JAM3: variants seen among roughly 807,000 people sequenced by gnomAD.
JAM3 encodes the protein junctional adhesion molecule 3.
Under a neutral mutation model 39.4 loss-of-function variants are expected in JAM3, and 31 were observed. That is an observed-to-expected ratio of 0.79 (90% CI 0.59 to 1.06). JAM3 has a LOEUF of 1.06. Ranked by LOEUF, JAM3 falls within the 50% of genes least tolerant of loss-of-function variation. The pLI is 0.00. For synonymous variants in JAM3, 182 were observed against 148.7 expected, an observed-to-expected ratio of 1.22 and a Z score of -1.63; for missense variants, 455 against 391.4, an observed-to-expected ratio of 1.16 and a Z score of -1.37.
intron 1 of JAM3, among the ~76,000 whole-genome samples, chr11:134,116,245 TAA>T (rs1227342636): frequency 6.6e-6 from 1 of 152,214 alleles, no homozygotes; most frequent in Admixed American, 6.5e-5. Context: ...AGTATTCTGA[TAA>T]AGTTTTTTCA....
At position 134,091,520 on chromosome 11, in the gene JAM3, G is replaced by GGATAGATAGATA. The variant is rs71479586; in HGVS notation, c.76+22371_76+22382dup. On this transcript the variant is annotated intron_variant, in intron 1 of 8. Coordinates refer to ENST00000299106, the MANE Select transcript of JAM3 (RefSeq NM_032801.5). The stretch of plus-strand genomic sequence containing the variant: ...TCTCTAAATAAATAGATAGATAGAT[G>GGATAGATAGATA]GATAGATAGATAGATAGATAGGCAT... 1.8e-3 allele frequency among the ~76,000 whole-genome samples: 276 copies of GGATAGATAGATA among 150,836 alleles called. 1 individual carries two copies. In the East Asian group the frequency reaches 0.024, roughly 13 times the overall value.
chr11:134,150,923 T>G lies in JAM3; in HGVS notation c.*1742T>G, dbSNP rs929106925. 6.6e-6 allele frequency: 1 copy of G among 152,130 alleles called. No individual in the cohort carries two copies. The highest frequency in any genetic ancestry group is 1.5e-5 in the Non-Finnish European group (1 of 68,022). The allele number at this position is 152,130 out of a possible 1,614,324, so 9.4% of individuals were successfully genotyped here. A position where few individuals can be genotyped will look rare whatever the true frequency, so the allele number is the denominator to read the frequency against. ...GTGAAACGCCTGAATCAAAAGCAGT[T>G]TTCTAATTTTGACTTTAAATTTTTC... is the stretch of plus-strand genomic sequence containing the variant. On this transcript the variant is annotated 3_prime_UTR_variant, in exon 9 of 9. Transcript: ENST00000299106.
At chr11:134,104,795 A>T (rs1303661007) in intron 1 of JAM3, among the ~76,000 whole-genome samples, 8 of 152,166 alleles carry the variant, frequency 5.3e-5, no homozygotes, top group African/African-American at 1.9e-4. Flanking sequence ...CCCTCCCAAG[A>T]CTAAACTAGG....
intron 5 of JAM3, chr11:134,145,474 G>A: frequency 3.1e-6 from 1 of 323,412 alleles, no homozygotes; most frequent in Non-Finnish European, 5.9e-6. Flanking sequence ...GGAGGTGGGG[G>A]AGGAGAGGAA....
intron 1 of JAM3, among the ~76,000 whole-genome samples, chr11:134,100,116 A>G (rs544957781): frequency 6.6e-6 from 1 of 152,218 alleles, no homozygotes; most frequent in East Asian, 1.9e-4. Flanking sequence ...ATTCTTCTCA[A>G]ATTCTGTTTC....
At chr11:134,086,314 T>A (rs1408670341) in intron 1 of JAM3, among the ~76,000 whole-genome samples, 1 of 152,184 alleles carries the variant, frequency 6.6e-6, no homozygotes, top group Non-Finnish European at 1.5e-5. Flanking sequence ...AAAGCTCCCT[T>A]TATGGCTTAG....
chr11:134,088,714 C>T (rs986396458), intron 1 of JAM3, among the ~76,000 whole-genome samples: 1 of 148,530 alleles, frequency 6.7e-6, no homozygotes, highest in African/African-American at 2.5e-5. Flanking sequence ...GCCACAAAGA[C>T]AGTAAAATGT....
chr11:134,101,820 A>G (rs1362829860), intron 1 of JAM3, among the ~76,000 whole-genome samples: 1 of 152,068 alleles, frequency 6.6e-6, no homozygotes, highest in South Asian at 2.1e-4. Flanking sequence ...TAATCCTAGT[A>G]TTTTGGGGGG....
chr11:134,145,103 A>T, intron 5 of JAM3, 109 bp downstream of exon 5: 1 of 936,568 alleles, frequency 1.1e-6, no homozygotes, highest in Non-Finnish European at 1.7e-6. Flanking sequence ...ATAAGACAGG[A>T]GTCAAAAATC....
intron 1 of JAM3, among the ~76,000 whole-genome samples, chr11:134,107,461 C>G (rs1437908253): frequency 6.6e-6 from 1 of 151,856 alleles, no homozygotes; most frequent in Admixed American, 6.6e-5. Context: ...TACAGATGTA[C>G]CCTAGAACAT....
chr11:134,077,562 C>T (rs562343163), intron 1 of JAM3, among the ~76,000 whole-genome samples: 1 of 151,144 alleles, frequency 6.6e-6, no homozygotes, highest in African/African-American at 2.4e-5. Context: ...CAGGGTTTCT[C>T]CATGTTGGCC....
rs115673572 is a variant in JAM3 at position 134,135,692 on chromosome 11, G to A, written c.77-4159G>A. ...AGCTGGGATTACAGGTGTGATGCCCGGCTAATAGATTTTTATCTATCTTAT... is the reference window on the plus strand; with the variant it reads ...AGCTGGGATTACAGGTGTGATGCCCAGCTAATAGATTTTTATCTATCTTAT... On this transcript the variant is annotated intron_variant, in intron 1 of 8. Transcript: ENST00000299106. Among the ~76,000 whole-genome samples, 1,273 of 151,512 alleles carry A rather than the reference G, an allele frequency of 8.4e-3. 14 individuals carry two copies. Among genetic ancestry groups the A allele is most frequent in the African/African-American group, 0.029 (1,183 of 41,274 alleles).
chr11:134,119,998 G>T (rs1942503637), intron 1 of JAM3, among the ~76,000 whole-genome samples: 1 of 152,138 alleles, frequency 6.6e-6, no homozygotes, highest in Non-Finnish European at 1.5e-5. Flanking sequence ...GTGTATGGGT[G>T]AGTGGGTCTG....
chr11:134,077,271 G>A (rs1339051070), intron 1 of JAM3, among the ~76,000 whole-genome samples: 1 of 151,996 alleles, frequency 6.6e-6, no homozygotes, highest in African/African-American at 2.4e-5. Context: ...TGTCTTTTGA[G>A]AAGTATCTGT....
In JAM3 at chr11:134,070,223, A is replaced by G. The variant is rs963086055; in HGVS notation, c.76+1064A>G. On this transcript the variant is annotated intron_variant, in intron 1 of 8. Transcript: ENST00000299106. Reference sequence around the variant, plus strand: ...CTGCATTCTAAGTAGTGAAGCCTCAACTTCATATTTACCTAAAGCAGGACA... The same window carrying G: ...CTGCATTCTAAGTAGTGAAGCCTCAGCTTCATATTTACCTAAAGCAGGACA... The G allele has an allele frequency of 2.2e-5, 10 of 456,148 alleles. 1 individual carries two copies. The highest frequency in any genetic ancestry group is 2.1e-4 in the Admixed American group (9 of 42,576). The allele number at this position is 456,148 out of a possible 1,614,324, so 28.3% of individuals were successfully genotyped here. A position where few individuals can be genotyped will look rare whatever the true frequency, so the allele number is the denominator to read the frequency against.
intron 1 of JAM3, among the ~76,000 whole-genome samples, chr11:134,074,033 G>A (rs1227392369): frequency 6.6e-6 from 1 of 152,178 alleles, no homozygotes; most frequent in East Asian, 1.9e-4. Context: ...CTTTTGTGCA[G>A]TTACAAGGTT....
chr11:134,116,857 C>T lies in JAM3; in HGVS notation c.77-22994C>T, dbSNP rs1942443727. Among the ~76,000 whole-genome samples the T allele has an allele frequency of 2.0e-5, 3 of 152,192 alleles. No homozygotes were observed. The South Asian group carries it at 6.2e-4, about 32-fold the overall frequency. On this transcript the variant is annotated intron_variant, in intron 1 of 8. Coordinates refer to ENST00000299106, the MANE Select transcript of JAM3 (RefSeq NM_032801.5). ...TAAACATTAGTTTATAGTGGTATGT[C>T]TGACTCAAATTCAGCACTACAGGGT...
At chr11:134,096,556 T>A (rs1340198704) in intron 1 of JAM3, among the ~76,000 whole-genome samples, 5 of 152,214 alleles carry the variant, frequency 3.3e-5, no homozygotes, top group African/African-American at 9.6e-5. Flanking sequence ...AGGGGCCAGT[T>A]GTTTGGGCAG....
At chr11:134,129,412 A>T (rs1187321094) in intron 1 of JAM3, among the ~76,000 whole-genome samples, 24 of 152,042 alleles carry the variant, frequency 1.6e-4, no homozygotes, top group Admixed American at 1.6e-3. Context: ...TACTGTGCCC[A>T]GCCTCTTTTC....
Sources: gnomAD v4.1 joint callset for allele counts (sites outside exome capture counted in the v4.1 genomes callset) on GRCh38, gnomAD v4.1.1 for gene constraint, MANE v1.5 for transcripts, NCBI Gene and HGNC (gene_info 2026-07-23, HGNC 2026-07-21) for gene names.